SYNPO2: variants seen among roughly 807,000 people sequenced by gnomAD.
SYNPO2 encodes synaptopodin 2.
A neutral mutation model predicts 85.0 loss-of-function variants in SYNPO2; 56 were observed. That is an observed-to-expected ratio of 0.66 (90% CI 0.53 to 0.82). The LOEUF (loss-of-function observed/expected upper bound fraction) is 0.82, where lower values mean the gene tolerates loss of function less well. SYNPO2 is among the 40% of genes least tolerant of loss of function. SYNPO2 has a pLI of 0.00. For missense variants in SYNPO2, 1,575 were observed against 1,534.2 expected (o/e 1.03, Z -0.44); for synonymous variants, 602 against 591.1 (o/e 1.02, Z -0.27).
chr4:118,896,742 T>G lies in SYNPO2; in HGVS notation c.105+7601T>G, dbSNP rs150943507. ...CATGTGGCAGATTATTGGATGTAGT[T>G]TCCTTTAACTAGCATATAAATCTGG... On this transcript the variant is annotated intron_variant, in intron 1 of 4. Coordinates refer to ENST00000307142, the MANE Select transcript of SYNPO2 (RefSeq NM_133477.3). Among the ~76,000 whole-genome samples the G allele has an allele frequency of 6.9e-3, 1,053 of 152,354 alleles. 19 individuals carry two copies. Among genetic ancestry groups the G allele is most frequent in the African/African-American group, 0.024 (995 of 41,584 alleles).
At chr4:119,038,953 C>T (rs1247570883) in intron 4 of SYNPO2, among the ~76,000 whole-genome samples, 9 of 151,358 alleles carry the variant, frequency 5.9e-5, no homozygotes, top group Non-Finnish European at 2.9e-5. Flanking sequence ...TCCTGAGGAA[C>T]TAGTGTGATA....
intron 4 of SYNPO2, among the ~76,000 whole-genome samples, chr4:119,056,126 C>G (rs1739197968): frequency 6.6e-6 from 1 of 152,140 alleles, no homozygotes; most frequent in Admixed American, 6.5e-5. Context: ...TGCGTTTTTG[C>G]CAAGAGCTTA....
At chr4:119,050,435 C>T (rs1191740700) in intron 4 of SYNPO2, among the ~76,000 whole-genome samples, 2 of 152,210 alleles carry the variant, frequency 1.3e-5, no homozygotes, top group Non-Finnish European at 2.9e-5. Flanking sequence ...TTCAATTTTC[C>T]ACCCCAACAC....
rs974373577 is a variant in SYNPO2, at chr4:118,996,717, C to T, written c.106-26713C>T. Among the ~76,000 whole-genome samples the T allele has an allele frequency of 9.2e-5, 14 of 151,582 alleles. No individual in the cohort carries two copies. In the East Asian group the frequency reaches 2.6e-3, roughly 28 times the overall value. On this transcript the variant is annotated intron_variant, in intron 1 of 4. Transcript: ENST00000307142. ...TTCAAAATACAAAAAATAAGCCAGG[C>T]GTGGTGGCACACGCCTGTAGTCCCA...
intron 1 of SYNPO2, among the ~76,000 whole-genome samples, chr4:118,906,906 C>T (rs1349720430): frequency 6.6e-6 from 1 of 152,094 alleles, no homozygotes; most frequent in Non-Finnish European, 1.5e-5. Context: ...CCTCCAACTC[C>T]AAGTGTTCCT....
chr4:119,027,147 ATCCAGATC>A lies in SYNPO2; in HGVS notation c.784_791del (p.Ile262TrpfsTer11), dbSNP rs771330360. On this transcript the variant is annotated frameshift_variant, in exon 3 of 5. Transcript: ENST00000307142. LOFTEE classifies it high-confidence loss of function. ...CCCTTTCCTGAGGTCCAGCAAGATA[ATCCAGATC>A]TCCAGTGGCAGAGAGTTGAGAGTGA... is the stretch of plus-strand genomic sequence containing the variant. 1 of 1,614,058 alleles carries A rather than the reference ATCCAGATC, an allele frequency of 6.2e-7. No individual in the cohort carries two copies. The highest frequency in any genetic ancestry group is 8.5e-7 in the Non-Finnish European group (1 of 1,180,046).
chr4:118,871,345 C>T (rs569776085), intron 1 of SYNPO2, among the ~76,000 whole-genome samples: 2 of 151,794 alleles, frequency 1.3e-5, no homozygotes, highest in Non-Finnish European at 2.9e-5. Context: ...CTCCATAGTG[C>T]CCAGCCTCTT....
chr4:119,059,572 T>A lies in SYNPO2; in HGVS notation c.*1638T>A, dbSNP rs2149203604. The A allele has an allele frequency of 6.6e-6, 1 of 152,282 alleles. No individual in the cohort carries two copies. The highest frequency in any genetic ancestry group is 2.1e-4 in the South Asian group (1 of 4,816). The allele number at this position is 152,282 out of a possible 1,614,324, so 9.4% of individuals were successfully genotyped here. On this transcript the variant is annotated 3_prime_UTR_variant, in exon 5 of 5. Coordinates refer to ENST00000307142, the MANE Select transcript of SYNPO2 (RefSeq NM_133477.3). Reference sequence around the variant, plus strand: ...CAGAATATTTTTAAGTAAAAAACCATCTTAAGTATTCAAAATTTCCTTGGT... The same window carrying A: ...CAGAATATTTTTAAGTAAAAAACCAACTTAAGTATTCAAAATTTCCTTGGT...
chr4:118,928,979 A>G (rs901374030), intron 1 of SYNPO2, among the ~76,000 whole-genome samples: 1 of 152,148 alleles, frequency 6.6e-6, no homozygotes, highest in Non-Finnish European at 1.5e-5. Context: ...ACAGTTTTCC[A>G]TAGAAGTTTG....
At chr4:118,927,763 AT>A in intron 1 of SYNPO2, among the ~76,000 whole-genome samples, 1 of 103,926 alleles carries the variant, frequency 9.6e-6, no homozygotes, top group East Asian at 2.9e-4. Context: ...AGATAGATAT[AT>A]AGATAGATAG....
At chr4:118,993,565 C>T (rs1019309455) in intron 1 of SYNPO2, among the ~76,000 whole-genome samples, 1 of 152,082 alleles carries the variant, frequency 6.6e-6, no homozygotes, top group Non-Finnish European at 1.5e-5. Flanking sequence ...ACAGCAATGT[C>T]CCTCCTTCCT....
At chr4:118,879,873 G>C (rs886857993) in intron 1 of SYNPO2, among the ~76,000 whole-genome samples, 1 of 151,910 alleles carries the variant, frequency 6.6e-6, no homozygotes, top group Non-Finnish European at 1.5e-5. Context: ...GCCTCCCTCC[G>C]AGACCCTGCA....
intron 1 of SYNPO2, among the ~76,000 whole-genome samples, chr4:118,983,481 C>T (rs1029805463): frequency 6.6e-6 from 1 of 152,186 alleles, no homozygotes; most frequent in African/African-American, 2.4e-5. Flanking sequence ...ATGGTTTCTT[C>T]TCAGCTCTTC....
intron 1 of SYNPO2, among the ~76,000 whole-genome samples, chr4:119,010,438 C>T (rs898216579): frequency 6.6e-6 from 1 of 152,148 alleles, no homozygotes; most frequent in Non-Finnish European, 1.5e-5. Flanking sequence ...TACAGTGAGA[C>T]TTATTCACTA....
rs898139469 is a variant in SYNPO2, at chr4:119,060,870, C to T, written c.*2936C>T. Reference sequence around the variant, plus strand: ...TCTTGTATTTTGAGTTTCTTAAATGCGTGGATTCTTGTTCATTTATCTCTG... The same window carrying T: ...TCTTGTATTTTGAGTTTCTTAAATGTGTGGATTCTTGTTCATTTATCTCTG... On this transcript the variant is annotated 3_prime_UTR_variant, in exon 5 of 5. Coordinates refer to ENST00000307142, the MANE Select transcript of SYNPO2 (RefSeq NM_133477.3). 1.3e-5 allele frequency: 2 copies of T among 151,820 alleles called. No individual in the cohort carries two copies. The highest frequency in any genetic ancestry group is 1.9e-4 in the East Asian group (1 of 5,188). 9.4% of individuals were successfully genotyped at this position (151,820 alleles called of 1,614,324 possible). A position where few individuals can be genotyped will look rare whatever the true frequency, so the allele number is the denominator to read the frequency against.
intron 4 of SYNPO2, 58 bp from the exon 5 acceptor site, chr4:119,057,343 G>A: frequency 6.7e-7 from 1 of 1,482,842 alleles, no homozygotes; most frequent in Non-Finnish European, 9.0e-7. Context: ...ATACTTTGGA[G>A]TAACAATCAG....
chr4:118,855,046 G>A (rs1342273302), intron 1 of SYNPO2, among the ~76,000 whole-genome samples: 1 of 151,888 alleles, frequency 6.6e-6, no homozygotes, highest in Non-Finnish European at 1.5e-5. Flanking sequence ...GATTCAGCTA[G>A]TGAAGTGTTT....
At chr4:118,959,660 G>T (rs924564613) in intron 1 of SYNPO2, among the ~76,000 whole-genome samples, 6 of 120,672 alleles carry the variant, frequency 5.0e-5, no homozygotes, top group Non-Finnish European at 1.2e-4. Context: ...GCTCTCCCTG[G>T]TCATCTGTGA....
chr4:118,877,128 T>A (rs1343479039), intron 1 of SYNPO2, among the ~76,000 whole-genome samples: 1 of 152,136 alleles, frequency 6.6e-6, no homozygotes, highest in Non-Finnish European at 1.5e-5. Flanking sequence ...AATGAATGAA[T>A]GAACTATAAA....
Sources: gnomAD v4.1 joint callset for allele counts (sites outside exome capture counted in the v4.1 genomes callset) on GRCh38, gnomAD v4.1.1 for gene constraint, MANE v1.5 for transcripts, NCBI Gene and HGNC (gene_info 2026-07-23, HGNC 2026-07-21) for gene names.